Variants in PRKG2 observed in about 807,000 individuals in gnomAD.
The protein encoded by PRKG2 is protein kinase cGMP-dependent 2.
A neutral mutation model predicts 97.2 loss-of-function variants in PRKG2; 33 were observed. That is an observed-to-expected ratio of 0.34 (90% confidence interval 0.26 to 0.45). The LOEUF is 0.45. Among genes scored for constraint, PRKG2 ranks in the 20% least tolerant of loss-of-function variants. The probability of loss-of-function intolerance (pLI) is 1.00; values close to 1 mark genes in which losing one functional copy is unlikely to be tolerated. For synonymous variants in PRKG2, 330 were observed against 321.8 expected (o/e 1.03, Z -0.27); for missense variants, 638 against 900.0 (o/e 0.71, Z 3.73).
At chr4:81,168,247 A>AGAT (rs1750160549) in intron 5 of PRKG2, among the ~76,000 whole-genome samples, 1 of 152,080 alleles carries the variant, frequency 6.6e-6, no homozygotes, top group African/African-American at 2.4e-5. Context: ...GTGGCAAAAG[A>AGAT]GATATAAGAA....
intron 7 of PRKG2, among the ~76,000 whole-genome samples, chr4:81,152,649 C>A (rs916163078): frequency 6.6e-6 from 1 of 152,116 alleles, no homozygotes; most frequent in African/African-American, 2.4e-5. Flanking sequence ...TAGAGTTATT[C>A]CAATTCAACA....
intron 14 of PRKG2, among the ~76,000 whole-genome samples, chr4:81,111,741 A>G (rs1420852061): frequency 6.6e-6 from 1 of 152,180 alleles, no homozygotes; most frequent in African/African-American, 2.4e-5. Context: ...AGGGCCCCTC[A>G]TTGAATCGAA....
chr4:81,217,111 C>T (rs868199855), upstream of PRKG2, among the ~76,000 whole-genome samples: 7 of 148,650 alleles, frequency 4.7e-5, no homozygotes, highest in South Asian at 1.5e-3. Flanking sequence ...TTAATGGACA[C>T]GTAGGTTGAC....
At position 81,153,699 on chromosome 4, in the gene PRKG2, T is replaced by C. The variant is rs778680190; in HGVS notation, c.935A>G (p.Tyr312Cys). ...LEVEYYDKGD[Y>C]IIREGEEGST... ...TCCTTCCTCGCCCTCTCTAATGATGTAATCTCCTTTGTCATAGTATTCCTG... is the reference window on the plus strand; with the variant it reads ...TCCTTCCTCGCCCTCTCTAATGATGCAATCTCCTTTGTCATAGTATTCCTG... Residue 312 changes from tyrosine to cysteine, a missense_variant, in exon 7 of 19, where the codon TAC (tyrosine) becomes TGC (cysteine). Tyr to Cys is a radical substitution (Grantham distance 194, BLOSUM62 -2). Transcript: ENST00000264399. 6.2e-7 allele frequency: 1 copy of C among 1,607,052 alleles called. No individual in the cohort carries two copies. The highest frequency in any genetic ancestry group is 8.5e-7 in the Non-Finnish European group (1 of 1,173,686).
chr4:81,177,083 A>G (rs888596990), intron 2 of PRKG2, among the ~76,000 whole-genome samples: 2 of 152,096 alleles, frequency 1.3e-5, no homozygotes, highest in African/African-American at 4.8e-5. Flanking sequence ...TTTACCCCTC[A>G]ACCTTTCCAA....
chr4:81,172,701 A>G (rs1750593644), intron 3 of PRKG2, among the ~76,000 whole-genome samples: 1 of 152,152 alleles, frequency 6.6e-6, no homozygotes, highest in African/African-American at 2.4e-5. Flanking sequence ...TAGAGGAAAA[A>G]AAAGTGATGG....
chr4:81,142,716 C>T (rs1747412991), intron 11 of PRKG2, 78 bp downstream of exon 11: 2 of 1,411,582 alleles, frequency 1.4e-6, no homozygotes, highest in Admixed American at 2.3e-5. Context: ...TCATATATTC[C>T]TCCAAGATAT....
At position 81,150,649 on chromosome 4, in the gene PRKG2, C is replaced by T. The variant is rs774384513; in HGVS notation, c.1085+1311G>A. ...AACATATAGCATAAATTATTTCAGG[C>T]CCAGCAAAACTGAATAACATATTTT... On this transcript the variant is annotated intron_variant, in intron 8 of 18. Coordinates refer to ENST00000264399, the MANE Select transcript of PRKG2 (RefSeq NM_006259.3). Among the ~76,000 whole-genome samples the T allele has an allele frequency of 3.3e-5, 5 of 152,146 alleles. No individual in the cohort carries two copies. In the South Asian group the frequency reaches 1.0e-3, roughly 32 times the overall value.
intron 2 of PRKG2, chr4:81,175,603 C>G (rs1369379329): frequency 6.6e-6 from 1 of 152,076 alleles, no homozygotes; most frequent in Non-Finnish European, 1.5e-5. Flanking sequence ...TAAGTTTGAT[C>G]AGACATAGAT....
At chr4:81,154,527 A>C (rs58791053) in intron 6 of PRKG2, among the ~76,000 whole-genome samples, 43,290 of 132,746 alleles carry the variant, frequency 0.33, 11,643 homozygotes, top group African/African-American at 0.78. Flanking sequence ...CTCACACGGC[A>C]GGGTACTCCA....
intron 2 of PRKG2, among the ~76,000 whole-genome samples, chr4:81,182,821 A>T (rs1363369061): frequency 1.3e-5 from 2 of 152,112 alleles, no homozygotes; most frequent in Non-Finnish European, 2.9e-5. Flanking sequence ...GATTATATCT[A>T]ACAAAGATAA....
rs1302894928 is a variant in PRKG2, at chr4:81,215,077, C to A, written c.-155G>T. 6.6e-6 allele frequency: 1 copy of A among 152,360 alleles called. No individual in the cohort carries two copies. The highest frequency in any genetic ancestry group is 1.5e-5 in the Non-Finnish European group (1 of 68,172). The allele number at this position is 152,360 out of a possible 1,614,324, so 9.4% of individuals were successfully genotyped here. ...CGCAGGTCAGCTCAGCCAGCCCCGC[C>A]GTGCACACGGTGCGCAGCGTGGGCC... is the stretch of plus-strand genomic sequence containing the variant. On this transcript the variant is annotated 5_prime_UTR_variant, in exon 1 of 19. Transcript: ENST00000264399.
rs879577769 is a variant in PRKG2, at chr4:81,155,756, G to C, written c.913-2035C>G. Among the ~76,000 whole-genome samples the C allele has an allele frequency of 3.4e-3, 515 of 152,030 alleles. 1 individual carries two copies. The highest frequency in any genetic ancestry group is 5.2e-3 in the Non-Finnish European group (351 of 67,964). On this transcript the variant is annotated intron_variant, in intron 6 of 18. Coordinates refer to ENST00000264399, the MANE Select transcript of PRKG2 (RefSeq NM_006259.3). ...TCGGCAGAAACTCTACAAGCCAGAA[G>C]AGAGTGGGGGCCAATATTCAACATT...
At chr4:81,199,742 C>T (rs1390670228) in intron 2 of PRKG2, among the ~76,000 whole-genome samples, 4 of 152,166 alleles carry the variant, frequency 2.6e-5, no homozygotes, top group African/African-American at 9.7e-5. Context: ...TCCTCAAATG[C>T]TCAGTACTGC....
At chr4:81,128,334 T>A (rs543186827) in intron 14 of PRKG2, among the ~76,000 whole-genome samples, 1 of 152,336 alleles carries the variant, frequency 6.6e-6, no homozygotes, top group East Asian at 1.9e-4. Flanking sequence ...ATCAGGATGA[T>A]GCTGGCCTCA....
chr4:81,101,387 T>C lies in PRKG2; in HGVS notation c.2126+2983A>G, dbSNP rs571606841. Among the ~76,000 whole-genome samples the C allele has an allele frequency of 2.9e-3, 439 of 152,176 alleles. 1 individual carries two copies. The highest frequency in any genetic ancestry group is 0.01 in the African/African-American group (417 of 41,518). ...TATACCATGGAACACTATGCAGCCA[T>C]AAAAAATGATGAGTTCATGTCCTTT... On this transcript the variant is annotated intron_variant, in intron 17 of 18. Transcript: ENST00000264399.
At chr4:81,092,213 T>TTATATA (rs1419207350) in intron 18 of PRKG2, among the ~76,000 whole-genome samples, 173 bp downstream of exon 18, 2 of 151,964 alleles carry the variant, frequency 1.3e-5, no homozygotes, top group African/African-American at 4.8e-5. Context: ...GCAGTACTAT[T>TTATATA]TAGTCCCTAT....
chr4:81,142,645 G>C, intron 11 of PRKG2, 149 bp downstream of exon 11: 1 of 988,608 alleles, frequency 1.0e-6, no homozygotes, highest in Non-Finnish European at 1.4e-6. Flanking sequence ...ACAATATACA[G>C]AGTGAAAAGT....
chr4:81,163,268 G>A (rs887302825), intron 6 of PRKG2, among the ~76,000 whole-genome samples: 2 of 152,124 alleles, frequency 1.3e-5, no homozygotes, highest in African/African-American at 4.8e-5. Flanking sequence ...TGCCAACTGG[G>A]GAGTGCAACC....
Sources: gnomAD v4.1 joint callset for allele counts (sites outside exome capture counted in the v4.1 genomes callset) on GRCh38, gnomAD v4.1.1 for gene constraint, MANE v1.5 for transcripts, NCBI Gene and HGNC (gene_info 2026-07-23, HGNC 2026-07-21) for gene names.